Variants in ESRRG observed in about 807,000 individuals in gnomAD.
The protein encoded by ESRRG is estrogen-related receptor gamma.
ESRRG carries 13 observed loss-of-function variants against 44.0 expected under a neutral mutation model. The ratio of observed to expected loss-of-function variants is 0.30; its 90% CI spans 0.19 to 0.47. The LOEUF is 0.47. ESRRG is among the 20% of genes least tolerant of loss of function. The pLI, the probability that ESRRG is intolerant of heterozygous loss-of-function variation, is 1.00. For missense variants in ESRRG, 395 were observed against 580.6 expected, an observed-to-expected ratio of 0.68 and a Z score of 3.29; for synonymous variants, 215 against 214.6, an observed-to-expected ratio of 1.00 and a Z score of -0.02.
intron 3 of ESRRG, among the ~76,000 whole-genome samples, chr1:216,601,663 C>A (rs1217285558): frequency 2.6e-5 from 4 of 152,094 alleles, no homozygotes; most frequent in Non-Finnish European, 5.9e-5. Context: ...AGCTGTTGGA[C>A]CCACTCCCCT....
intron 2 of ESRRG, among the ~76,000 whole-genome samples, chr1:216,796,257 C>T (rs896021399): frequency 1.3e-5 from 2 of 152,180 alleles, no homozygotes; most frequent in African/African-American, 4.8e-5. Context: ...AGCATGTACA[C>T]CCTTACCCCA....
At chr1:216,550,584 G>A (rs1487382045) in intron 5 of ESRRG, among the ~76,000 whole-genome samples, 1 of 152,078 alleles carries the variant, frequency 6.6e-6, no homozygotes, top group Non-Finnish European at 1.5e-5. Context: ...AGGATAACAA[G>A]CCAAGTATGG....
intron 1 of ESRRG, among the ~76,000 whole-genome samples, chr1:216,992,086 C>T (rs74141721): frequency 0.027 from 4,110 of 152,138 alleles, 192 homozygotes; most frequent in African/African-American, 0.095. Context: ...TTTTTCAGAC[C>T]AAATGAATTG....
chr1:216,560,331 C>T (rs1572979510), intron 5 of ESRRG, among the ~76,000 whole-genome samples: 1 of 152,018 alleles, frequency 6.6e-6, no homozygotes, highest in Non-Finnish European at 1.5e-5. Context: ...TAATTTGTCA[C>T]GTTAAAAATA....
At chr1:216,927,491 T>C (rs997921768) in intron 2 of ESRRG, among the ~76,000 whole-genome samples, 2 of 152,094 alleles carry the variant, frequency 1.3e-5, no homozygotes, top group African/African-American at 4.8e-5. Flanking sequence ...GGAGCAGCAG[T>C]TAAAGATCAG....
Position 216,672,711 on chromosome 1 carries a change from G to C in ESRRG, c.472+4365C>G, listed in dbSNP as rs142290836. On this transcript the variant is annotated intron_variant, in intron 2 of 6. Coordinates refer to ENST00000408911, the MANE Select transcript of ESRRG (RefSeq NM_001438.4). ...AGGGAGATCCCGTCTCTACAAAAGAGTGAAAAATTAGGTAGGCATGGTAGT... is the reference window on the plus strand; with the variant it reads ...AGGGAGATCCCGTCTCTACAAAAGACTGAAAAATTAGGTAGGCATGGTAGT... Among the ~76,000 whole-genome samples, 380 of 151,932 alleles carry C rather than the reference G, an allele frequency of 2.5e-3. 2 individuals carry two copies. The highest frequency in any genetic ancestry group is 8.1e-3 in the African/African-American group (336 of 41,426).
At chr1:216,562,079 C>T (rs2058856036) in intron 5 of ESRRG, among the ~76,000 whole-genome samples, 1 of 152,186 alleles carries the variant, frequency 6.6e-6, no homozygotes, top group Admixed American at 6.6e-5. Flanking sequence ...TTATCACTCA[C>T]TTTCCTTACT....
chr1:217,114,753 T>C (rs12082268), intron 1 of ESRRG, among the ~76,000 whole-genome samples: 4,999 of 147,212 alleles, frequency 0.034, 107 homozygotes, highest in African/African-American at 0.049. Context: ...GCCCCCTGGG[T>C]TCAAGCAATT....
At chr1:217,048,097 C>A (rs1444023363) in intron 1 of ESRRG, among the ~76,000 whole-genome samples, 1 of 151,994 alleles carries the variant, frequency 6.6e-6, no homozygotes, top group African/African-American at 2.4e-5. Flanking sequence ...CTAGAGGAGC[C>A]CAGAGTAGAG....
intron 5 of ESRRG, among the ~76,000 whole-genome samples, chr1:216,530,781 C>T (rs1303176169): frequency 6.6e-6 from 1 of 152,152 alleles, no homozygotes; most frequent in Non-Finnish European, 1.5e-5. Context: ...AACATAACTT[C>T]AAATCCTTTC....
At chr1:216,587,405 C>A (rs1177234114) in intron 3 of ESRRG, among the ~76,000 whole-genome samples, 3 of 152,014 alleles carry the variant, frequency 2.0e-5, no homozygotes, top group Non-Finnish European at 1.5e-5. Flanking sequence ...GATCTGAAAC[C>A]GGGTTTCATG....
intron 1 of ESRRG, among the ~76,000 whole-genome samples, chr1:217,045,095 C>G (rs1180831313): frequency 6.6e-6 from 1 of 152,188 alleles, no homozygotes; most frequent in Non-Finnish European, 1.5e-5. Flanking sequence ...AGCATATAGC[C>G]TTAATGTGCT....
intron 1 of ESRRG, among the ~76,000 whole-genome samples, chr1:217,120,180 T>C (rs188600410): frequency 6.6e-6 from 1 of 152,266 alleles, no homozygotes; most frequent in Admixed American, 6.5e-5. Context: ...TCTTCCAGGT[T>C]CCATGCCTCC....
At chr1:216,912,650 T>C (rs907166174) in intron 2 of ESRRG, among the ~76,000 whole-genome samples, 21 of 152,178 alleles carry the variant, frequency 1.4e-4, no homozygotes, top group Non-Finnish European at 1.5e-5. Context: ...TTCAATTAGA[T>C]ACTACTGATA....
chr1:217,002,780 C>T (rs2077213206), intron 1 of ESRRG, among the ~76,000 whole-genome samples: 1 of 152,132 alleles, frequency 6.6e-6, no homozygotes, highest in Non-Finnish European at 1.5e-5. Flanking sequence ...ATGAGCAAGT[C>T]ACCTTGGAAG....
chr1:216,564,777 T>C lies in ESRRG; in HGVS notation c.701-397A>G, dbSNP rs557124454. ...GCTTAAAATAAAACCCCCAGTAAAC[T>C]ATTGAAATATAGATCATAACACAGG... On this transcript the variant is annotated intron_variant, in intron 4 of 6. Coordinates refer to ENST00000408911, the MANE Select transcript of ESRRG (RefSeq NM_001438.4). Among the ~76,000 whole-genome samples, 43 of 152,266 alleles carry C rather than the reference T, an allele frequency of 2.8e-4. 1 individual carries two copies. The highest frequency in any genetic ancestry group is 1.0e-3 in the African/African-American group (42 of 41,556).
At position 216,561,701 on chromosome 1, in the gene ESRRG, T is replaced by C. The variant is rs185211156; in HGVS notation, c.862+2518A>G. Among the ~76,000 whole-genome samples, 487 of 145,932 alleles carry C rather than the reference T, an allele frequency of 3.3e-3. 4 individuals are homozygous for C. Among genetic ancestry groups the C allele is most frequent in the African/African-American group, 0.013 (474 of 35,432 alleles). ...AAGCGCTGTATGGCATAGGTATTAT[T>C]AAATTTTTTTTTTAAATTTCTGTTA... On this transcript the variant is annotated intron_variant, in intron 5 of 6. Coordinates refer to ENST00000408911, the MANE Select transcript of ESRRG (RefSeq NM_001438.4).
chr1:216,738,932 G>C (rs998676662), intron 2 of ESRRG, among the ~76,000 whole-genome samples: 2 of 152,138 alleles, frequency 1.3e-5, no homozygotes, highest in African/African-American at 4.8e-5. Flanking sequence ...GCTTTCTGCA[G>C]CTTCAAACTT....
intron 2 of ESRRG, among the ~76,000 whole-genome samples, chr1:216,939,361 A>AAAAAAAAC (rs2064790619): frequency 6.7e-6 from 1 of 148,574 alleles, no homozygotes; most frequent in Non-Finnish European, 1.5e-5. Flanking sequence ...AAAAAAAAAA[A>AAAAAAAAC]AAAAAAAAAC....
Sources: gnomAD v4.1 joint callset for allele counts (sites outside exome capture counted in the v4.1 genomes callset) on GRCh38, gnomAD v4.1.1 for gene constraint, MANE v1.5 for transcripts, NCBI Gene and HGNC (gene_info 2026-07-23, HGNC 2026-07-21) for gene names.